WDR88: variants seen among roughly 807,000 people sequenced by gnomAD.
The protein encoded by WDR88 is WD repeat domain 88, also known as WD repeat-containing protein 88.
In WDR88, 40 loss-of-function variants were observed where a neutral mutation model predicts 46.8. The observed-to-expected ratio is 0.86, with a 90% CI of 0.66 to 1.11. The LOEUF is 1.11. Ranked by LOEUF, WDR88 falls within the 50% of genes most tolerant of loss-of-function variation. The probability of loss-of-function intolerance (pLI) is 0.00; values close to 1 mark genes in which losing one functional copy is unlikely to be tolerated. For missense variants in WDR88, 562 were observed against 602.4 expected (o/e 0.93, Z 0.70); for synonymous variants, 235 against 240.7 (o/e 0.98, Z 0.22).
At chr19:33,166,948 T>C (rs868069639) in intron 9 of WDR88, among the ~76,000 whole-genome samples, 3 of 152,142 alleles carry the variant, frequency 2.0e-5, no homozygotes, top group Non-Finnish European at 4.4e-5. Context: ...GTAGGTTATA[T>C]TATATATTCT....
In WDR88 at chr19:33,132,424, C is replaced by A. The variant is rs1973146631; in HGVS notation, c.255C>A (p.Gly85=). Residue 85 remains glycine, a synonymous_variant, in exon 1 of 11, where the codon GGC becomes GGA. Coordinates refer to ENST00000355868, the MANE Select transcript of WDR88 (RefSeq NM_173479.4). ...AGGTGCCGGAGAAATTGATCTGGGG[C>A]GACCAGGACCCTCTCTCCAAGGTCA... is the stretch of plus-strand genomic sequence containing the variant. ...KHQVPEKLIW[G]DQDPLSKIPF... 1 of 1,614,002 alleles carries A rather than the reference C, an allele frequency of 6.2e-7. No homozygotes were observed. Among genetic ancestry groups the A allele is most frequent in the Non-Finnish European group, 8.5e-7 (1 of 1,179,978 alleles).
Position 33,151,267 on chromosome 19 carries a change from A to T in WDR88, c.766A>T (p.Ile256Phe). 6.2e-7 allele frequency: 1 copy of T among 1,613,654 alleles called. No individual in the cohort carries two copies. The highest frequency in any genetic ancestry group is 8.5e-7 in the Non-Finnish European group (1 of 1,179,866). Residue 256 changes from isoleucine to phenylalanine, a missense_variant, in exon 6 of 11, where the codon ATC becomes TTC. Ile to Phe is a conservative substitution (Grantham distance 21). Transcript: ENST00000355868. The stretch of plus-strand genomic sequence containing the variant: ...TGTCTCATTGGACAGGTGCATCAAG[A>T]TCTGGGATGTTACATCCCAGGCCAC... ...ASVSLDRCIK[I>F]WDVTSQATLL... is the part of the protein sequence containing the mutation.
chr19:33,165,240 CT>C (rs752249017), intron 9 of WDR88, among the ~76,000 whole-genome samples: 128 of 152,080 alleles, frequency 8.4e-4, no homozygotes, highest in Non-Finnish European at 1.6e-3. Context: ...TCGGGGACCC[CT>C]TTATTTGAGC....
intron 10 of WDR88, among the ~76,000 whole-genome samples, chr19:33,172,817 C>T (rs181035105): frequency 4.5e-4 from 68 of 151,992 alleles, no homozygotes; most frequent in African/African-American, 1.6e-3. Context: ...CAGCTGGATG[C>T]GGTGTTTCAC....
chr19:33,133,190 AATAAATAT>A (rs200259121), intron 1 of WDR88, among the ~76,000 whole-genome samples: 60,410 of 128,536 alleles, frequency 0.47, 16,017 homozygotes, highest in Non-Finnish European at 0.6. Context: ...TAAATAAATA[AATAAATAT>A]AGAGAGAGAG....
intron 9 of WDR88, among the ~76,000 whole-genome samples, chr19:33,169,638 CTGAT>C (rs1974004082): frequency 7.7e-6 from 1 of 129,352 alleles, no homozygotes; most frequent in Non-Finnish European, 1.5e-5. Flanking sequence ...TTGTGCCTGA[CTGAT>C]GGTGACAGAG....
chr19:33,159,085 T>TG (rs913433069), intron 7 of WDR88, among the ~76,000 whole-genome samples: 72 of 150,958 alleles, frequency 4.8e-4, no homozygotes, highest in African/African-American at 1.7e-3. Flanking sequence ...ATTTCAGTGC[T>TG]GGGGGGGTGC....
At chr19:33,171,502 C>T (rs1194673571) in intron 9 of WDR88, among the ~76,000 whole-genome samples, 1 of 152,082 alleles carries the variant, frequency 6.6e-6, no homozygotes, top group African/African-American at 2.4e-5. Context: ...ATGTAACATA[C>T]TCAATGTATC....
intron 3 of WDR88, 112 bp from the exon 4 acceptor site, chr19:33,147,533 G>T (rs1973543512): frequency 3.1e-6 from 3 of 974,210 alleles, no homozygotes; most frequent in Non-Finnish European, 4.6e-6. Flanking sequence ...AACCTGGGAG[G>T]TGGAGGTTGC....
At chr19:33,158,711 GTTGT>G (rs1044844388) in intron 7 of WDR88, among the ~76,000 whole-genome samples, 12 of 151,626 alleles carry the variant, frequency 7.9e-5, no homozygotes, top group East Asian at 5.8e-4. Context: ...TTTTTTTGTT[GTTGT>G]TTGTTTGTTT....
At chr19:33,173,578 C>T (rs145600743) in intron 10 of WDR88, among the ~76,000 whole-genome samples, 249 of 152,374 alleles carry the variant, frequency 1.6e-3, no homozygotes, top group African/African-American at 5.8e-3. Context: ...TCAGAAGGTT[C>T]GGCTGGGAGC....
intron 6 of WDR88, among the ~76,000 whole-genome samples, chr19:33,154,280 A>G (rs1039548666): frequency 6.6e-6 from 1 of 152,074 alleles, no homozygotes; most frequent in African/African-American, 2.4e-5. Context: ...ATAGGTACAC[A>G]TGTGCCACGG....
chr19:33,172,236 CCT>C (rs1974049857), intron 9 of WDR88, 110 bp from the exon 10 acceptor site: 7 of 850,866 alleles, frequency 8.2e-6, no homozygotes, highest in South Asian at 3.3e-5. Context: ...ATTGAAGGTT[CCT>C]CTGTCTTTTT....
chr19:33,134,383 G>T (rs972640882), intron 1 of WDR88, among the ~76,000 whole-genome samples: 2 of 151,778 alleles, frequency 1.3e-5, no homozygotes, highest in African/African-American at 2.4e-5. Flanking sequence ...TAGAGAGGGG[G>T]AGTCTCGCCA....
At position 33,161,312 on chromosome 19, in the gene WDR88, G is replaced by A. The variant is rs538521443; in HGVS notation, c.1080+816G>A. Among the ~76,000 whole-genome samples, 6 of 152,248 alleles carry A rather than the reference G, an allele frequency of 3.9e-5. No homozygotes were observed. The South Asian group carries it at 6.2e-4, about 16-fold the overall frequency. ...TGGGCTACAAGTGAGAGGATGAGAG[G>A]AGCCCCAACTCAGAGTGGCTCTATG... On this transcript the variant is annotated intron_variant, in intron 8 of 10. Transcript: ENST00000355868.
chr19:33,138,722 C>T (rs577258429), intron 2 of WDR88, among the ~76,000 whole-genome samples: 41 of 139,530 alleles, frequency 2.9e-4, no homozygotes, highest in African/African-American at 1.1e-3. Context: ...CTTGCTCTGT[C>T]GCCCAGGCTG....
chr19:33,139,476 T>C (rs939190751), intron 2 of WDR88, among the ~76,000 whole-genome samples: 3 of 151,210 alleles, frequency 2.0e-5, no homozygotes, highest in Non-Finnish European at 4.4e-5. Context: ...GTGGAGGGAG[T>C]TGAGGCTGGT....
intron 2 of WDR88, among the ~76,000 whole-genome samples, chr19:33,141,215 G>C (rs1183548272): frequency 7.2e-6 from 1 of 139,044 alleles, no homozygotes; most frequent in African/African-American, 3.0e-5. Context: ...GGGATTACAG[G>C]TGTGGGAGCA....
Position 33,132,378 on chromosome 19 carries a change from A to G in WDR88, c.209A>G (p.His70Arg), listed in dbSNP as rs1973145251. The G allele has an allele frequency of 1.2e-6, 2 of 1,614,148 alleles. No individual in the cohort carries two copies. The highest frequency in any genetic ancestry group is 1.7e-6 in the Non-Finnish European group (2 of 1,180,026). The change falls in exon 1 of 11, where the codon CAT (histidine) becomes CGT (arginine). Residue 70 changes from histidine to arginine, a missense_variant. Coordinates refer to ENST00000355868, the MANE Select transcript of WDR88 (RefSeq NM_173479.4). Reference protein sequence around the residue: ...PLALDREPPPHLLPEKHQVPE... With the variant: ...PLALDREPPPRLLPEKHQVPE... ...GCCTTGGACAGGGAACCACCACCGC[A>G]TCTGTTGCCTGAGAAGCACCAGGTG...
Sources: allele counts gnomAD v4.1 joint callset (sites outside exome capture counted in the v4.1 genomes callset), GRCh38; gene constraint gnomAD v4.1.1; transcripts MANE v1.5; gene names NCBI Gene and HGNC (gene_info 2026-07-23, HGNC 2026-07-21).